The following CHD6 variants were observed in gnomAD, a reference collection of about 807,000 sequenced individuals.
CHD6 encodes chromodomain helicase DNA binding protein 6, also known as ATP-dependent chromatin remodeler CHD6.
In CHD6, 50 loss-of-function variants were observed where a neutral mutation model predicts 276.9. The ratio of observed to expected loss-of-function variants is 0.18; its 90% CI spans 0.14 to 0.23. CHD6 has a LOEUF of 0.23. CHD6 is among the 10% of genes least tolerant of loss of function. CHD6 has a pLI of 1.00. For missense variants in CHD6, 2,564 were observed against 3,365.8 expected (o/e 0.76, Z 5.89); for synonymous variants, 1,173 against 1,229.3 (o/e 0.95, Z 0.96).
intron 25 of CHD6, among the ~76,000 whole-genome samples, chr20:41,443,138 T>C (rs1029727277): frequency 5.3e-5 from 8 of 152,216 alleles, no homozygotes; most frequent in African/African-American, 1.2e-4. Context: ...CTGAATGGAA[T>C]TGAGTGATGA....
chr20:41,542,834 G>A (rs556280355), intron 2 of CHD6, among the ~76,000 whole-genome samples: 1 of 152,068 alleles, frequency 6.6e-6, no homozygotes, highest in South Asian at 2.1e-4. Flanking sequence ...GCCAGGCACG[G>A]TGGCTCACGC....
intron 1 of CHD6, among the ~76,000 whole-genome samples, chr20:41,608,124 T>A (rs1448080284): frequency 6.6e-6 from 1 of 152,222 alleles, no homozygotes; most frequent in Non-Finnish European, 1.5e-5. Context: ...GGAAAAAATC[T>A]ATCCTAATAA....
chr20:41,605,912 T>C (rs2146295715), intron 1 of CHD6, among the ~76,000 whole-genome samples: 1 of 152,314 alleles, frequency 6.6e-6, no homozygotes, highest in South Asian at 2.1e-4. Context: ...CAAACAGTTT[T>C]TGAGAACCTA....
At chr20:41,593,717 C>T (rs1055762286) in intron 1 of CHD6, among the ~76,000 whole-genome samples, 1 of 152,070 alleles carries the variant, frequency 6.6e-6, no homozygotes, top group African/African-American at 2.4e-5. Context: ...TAAAAGGAGG[C>T]CATTACTGTG....
chr20:41,429,182 CTG>C (rs1386375144), intron 27 of CHD6, among the ~76,000 whole-genome samples: 1 of 152,184 alleles, frequency 6.6e-6, no homozygotes, highest in African/African-American at 2.4e-5. Flanking sequence ...GAAAATTGTG[CTG>C]TTACTTATTG....
chr20:41,454,266 C>T lies in CHD6; in HGVS notation c.3120+360G>A, dbSNP rs571633896. On this transcript the variant is annotated intron_variant, in intron 20 of 36. Transcript: ENST00000373233. Reference sequence around the variant, plus strand: ...AACAAACTTTTGTCATGCTTTTTCCCTCTATTATGTGTGAAGTTTCTCTCA... The same window carrying T: ...AACAAACTTTTGTCATGCTTTTTCCTTCTATTATGTGTGAAGTTTCTCTCA... Among the ~76,000 whole-genome samples the T allele has an allele frequency of 8.5e-5, 13 of 152,312 alleles. No homozygotes were observed. In the South Asian group the frequency reaches 2.5e-3, roughly 29 times the overall value.
In CHD6 at chr20:41,489,882, G is replaced by A; in HGVS notation, c.1576C>T (p.Arg526Trp). 1 of 1,613,942 alleles carries A rather than the reference G, an allele frequency of 6.2e-7. No individual in the cohort carries two copies. Residue 526 changes from arginine to tryptophan, a missense_variant, in exon 12 of 37, where the codon CGG (arginine) becomes TGG (tryptophan). Arg to Trp is a moderately radical substitution (Grantham distance 101). Coordinates refer to ENST00000373233, the MANE Select transcript of CHD6 (RefSeq NM_032221.5). ...APLSTITNWE[R>W]EFRTWTEMNA... ...ATCTCTGTCCATGTCCGGAACTCCC[G>A]CTCCCAGTTAGTGATGGTGGAGAGA...
At chr20:41,577,330 C>T (rs1436751548) in intron 1 of CHD6, among the ~76,000 whole-genome samples, 1 of 152,116 alleles carries the variant, frequency 6.6e-6, no homozygotes, top group African/African-American at 2.4e-5. Flanking sequence ...TCTGGGTGGC[C>T]GCTTTGTAAC....
intron 2 of CHD6, among the ~76,000 whole-genome samples, chr20:41,541,392 T>C (rs999061944): frequency 8.5e-5 from 13 of 152,330 alleles, no homozygotes; most frequent in East Asian, 7.7e-4. Context: ...GTTCTTCACA[T>C]AGTCACAGCT....
chr20:41,537,964 G>C (rs2044867994), intron 2 of CHD6, among the ~76,000 whole-genome samples: 1 of 152,162 alleles, frequency 6.6e-6, no homozygotes, highest in African/African-American at 2.4e-5. Flanking sequence ...ATTCACAATA[G>C]CCAAAAGGTG....
chr20:41,582,830 T>G (rs1310787919), intron 1 of CHD6, among the ~76,000 whole-genome samples: 1 of 152,202 alleles, frequency 6.6e-6, no homozygotes, highest in East Asian at 1.9e-4. Context: ...TTTTTTTAAG[T>G]CATCAGAGAT....
At chr20:41,578,434 CT>C (rs1205005940) in intron 1 of CHD6, among the ~76,000 whole-genome samples, 2 of 152,072 alleles carry the variant, frequency 1.3e-5, no homozygotes, top group African/African-American at 4.8e-5. Flanking sequence ...TTCCGTGTTA[CT>C]TATTAACAAG....
At chr20:41,607,703 C>T (rs1396705903) in intron 1 of CHD6, among the ~76,000 whole-genome samples, 1 of 148,338 alleles carries the variant, frequency 6.7e-6, no homozygotes, top group Non-Finnish European at 1.5e-5. Context: ...TCTGGATGGG[C>T]CAAGAGGGAG....
intron 16 of CHD6, among the ~76,000 whole-genome samples, chr20:41,479,757 A>G (rs1244836838): frequency 6.6e-6 from 1 of 152,208 alleles, no homozygotes; most frequent in East Asian, 1.9e-4. Context: ...TGAAAGATAA[A>G]GTCAAGAAAA....
rs576962916 is a variant in CHD6, at chr20:41,425,995, C to A, written c.4129+98G>T. Reference sequence around the variant, plus strand: ...CAACTTACTTGGCTTTTTAAAAGAGCCTCCTTAAAAAACTACTTATTAATT... The same window carrying A: ...CAACTTACTTGGCTTTTTAAAAGAGACTCCTTAAAAAACTACTTATTAATT... On this transcript the variant is annotated intron_variant, in intron 28 of 36. Coordinates refer to ENST00000373233, the MANE Select transcript of CHD6 (RefSeq NM_032221.5). The A allele has an allele frequency of 6.7e-4, 601 of 899,602 alleles. 15 individuals carry two copies. In the South Asian group the frequency reaches 7.4e-3, roughly 11 times the overall value. The allele number at this position is 899,602 out of a possible 1,614,324, so 55.7% of individuals were successfully genotyped here.
chr20:41,475,870 C>T (rs1328996723), intron 16 of CHD6, among the ~76,000 whole-genome samples: 2 of 152,118 alleles, frequency 1.3e-5, no homozygotes, highest in Non-Finnish European at 2.9e-5. Flanking sequence ...GGAAACCGTT[C>T]CCATAAAATT....
At chr20:41,595,270 C>T (rs532757050) in intron 1 of CHD6, among the ~76,000 whole-genome samples, 2 of 152,252 alleles carry the variant, frequency 1.3e-5, no homozygotes, top group South Asian at 2.1e-4. Context: ...CCTTGGTGGT[C>T]AGGACACCCT....
At chr20:41,431,021 G>C (rs191404026) in intron 27 of CHD6, among the ~76,000 whole-genome samples, 97 of 152,112 alleles carry the variant, frequency 6.4e-4, no homozygotes, top group African/African-American at 2.3e-3. Context: ...TTTTAGTAGA[G>C]ACAGGGTTTC....
At position 41,452,090 on chromosome 20, in the gene CHD6, C is replaced by G; in HGVS notation, c.3324-65G>C. On this transcript the variant is annotated intron_variant, in intron 21 of 36. Transcript: ENST00000373233. This position sits in a 1 kb window ranked among gnomAD's most constrained non-coding sequence, Gnocchi z 4.2. ...GACCAGGCCATGCAGGCAGCCTCCC[C>G]ACAGGAGGAGAAACAAGAGCCATAC... The G allele has an allele frequency of 8.1e-7, 1 of 1,231,596 alleles. No homozygotes were observed. The highest frequency in any genetic ancestry group is 1.2e-6 in the Non-Finnish European group (1 of 842,700). The allele number at this position is 1,231,596 out of a possible 1,614,324, so 76.3% of individuals were successfully genotyped here. A position where few individuals can be genotyped will look rare whatever the true frequency, so the allele number is the denominator to read the frequency against.
Sources: gnomAD v4.1 joint callset for allele counts (sites outside exome capture counted in the v4.1 genomes callset) on GRCh38, gnomAD v4.1.1 for gene constraint, Gnocchi (gnomAD v3.1) non-coding constraint, MANE v1.5 for transcripts, NCBI Gene and HGNC (gene_info 2026-07-23, HGNC 2026-07-21) for gene names.